The following NID1 variants were observed in gnomAD, a reference collection of about 807,000 sequenced individuals.
The protein encoded by NID1 is nidogen-1.
NID1 carries 76 observed loss-of-function variants against 130.6 expected under a neutral mutation model. The ratio of observed to expected loss-of-function variants is 0.58; its 90% CI spans 0.48 to 0.70. The LOEUF (loss-of-function observed/expected upper bound fraction) is 0.70. Ranked by LOEUF, NID1 falls within the 30% of genes least tolerant of loss-of-function variation. The probability of loss-of-function intolerance (pLI) is 0.00; values close to 1 mark genes in which losing one functional copy is unlikely to be tolerated. For missense variants in NID1, 1,517 were observed against 1,664.8 expected (o/e 0.91, Z 1.54); for synonymous variants, 665 against 675.1 (o/e 0.98, Z 0.23).
chr1:236,027,670 A>T (rs1488485521), intron 7 of NID1, among the ~76,000 whole-genome samples: 1 of 152,168 alleles, frequency 6.6e-6, no homozygotes, highest in African/African-American at 2.4e-5. Flanking sequence ...CTCTACTAAA[A>T]ATACAAAAGT....
chr1:235,991,821 G>C (rs1182728320), intron 13 of NID1, among the ~76,000 whole-genome samples: 2 of 152,168 alleles, frequency 1.3e-5, no homozygotes, highest in Non-Finnish European at 2.9e-5. Flanking sequence ...TTCCATGCTG[G>C]AGGAGCCTGT....
intron 11 of NID1, among the ~76,000 whole-genome samples, chr1:236,012,457 C>T (rs1658457152): frequency 6.7e-6 from 1 of 148,710 alleles, no homozygotes. Context: ...ATTCTGGAGG[C>T]TGAGGCAGGA....
rs774872966 is a variant in NID1, at chr1:236,065,052, C to T, written c.28G>A (p.Ala10Thr). The T allele has an allele frequency of 1.4e-5, 21 of 1,553,010 alleles. No homozygotes were observed. Among genetic ancestry groups the T allele is most frequent in the Non-Finnish European group, 1.7e-5 (20 of 1,148,364 alleles). MLASSSRIR[A>T]AWTRALLLPL... ...AGCAGCAGCGCCCGCGTCCACGCAG[C>T]CCGGATCCGGCTGCTCGAGGCCAAC... Residue 10 changes from alanine to threonine, a missense_variant, in exon 1 of 20, where the codon GCT becomes ACT. Physicochemically the swap from Ala to Thr is moderately conservative, Grantham distance 58. This residue lies in a region of NID1 where 1,329 missense variants were observed against 1,429.2 expected (regional missense o/e 0.93). Transcript: ENST00000264187. The surrounding 1 kb of genome is among the most constrained non-coding windows in gnomAD (Gnocchi z 4.1).
At chr1:236,017,355 A>G in intron 9 of NID1, 82 bp from the exon 10 acceptor site, 1 of 1,444,382 alleles carries the variant, frequency 6.9e-7, no homozygotes, top group Non-Finnish European at 9.4e-7. Context: ...TAGCATTGTC[A>G]CCTAAGAATA....
At chr1:236,049,596 A>G (rs1659703859) in intron 1 of NID1, among the ~76,000 whole-genome samples, 1 of 152,242 alleles carries the variant, frequency 6.6e-6, no homozygotes, top group Non-Finnish European at 1.5e-5. Context: ...GACACAATAT[A>G]GCATCAAGAA....
chr1:236,045,419 T>C (rs1261475749), intron 3 of NID1, 38 bp downstream of exon 3: 19 of 1,413,670 alleles, frequency 1.3e-5, no homozygotes, highest in Non-Finnish European at 1.7e-5. Context: ...TTAAAAAATA[T>C]TAAGAGGAGA....
At chr1:236,041,341 C>T (rs1435592115) in intron 4 of NID1, among the ~76,000 whole-genome samples, 1 of 152,140 alleles carries the variant, frequency 6.6e-6, no homozygotes, top group Non-Finnish European at 1.5e-5. Context: ...GCTGGGATTA[C>T]AGGTGTGAGC....
At chr1:236,019,094 A>C (rs1658683238) in intron 9 of NID1, among the ~76,000 whole-genome samples, 1 of 152,258 alleles carries the variant, frequency 6.6e-6, no homozygotes, top group Non-Finnish European at 1.5e-5. Context: ...TGTTTAAGAC[A>C]CAAGGTCTCA....
rs746392633 is a variant in NID1 at position 236,029,668 on chromosome 1, G to A, written c.1620C>T (p.Ile540=). The A allele has an allele frequency of 8.1e-6, 13 of 1,613,824 alleles. No homozygotes were observed. The highest frequency in any genetic ancestry group is 6.6e-5 in the South Asian group (6 of 91,038). The change falls in exon 7 of 20, where the codon ATC becomes ATT. Residue 540 remains isoleucine, a synonymous_variant. Coordinates refer to ENST00000264187, the MANE Select transcript of NID1 (RefSeq NM_002508.3). ...NLVIKQRFSG[I]DEHGHLTIDT... Reference sequence around the variant, plus strand: ...CGATGGTCAGGTGCCCATGCTCATCGATGCCGCTGAACCGCTGCTTAATGA... The same window carrying A: ...CGATGGTCAGGTGCCCATGCTCATCAATGCCGCTGAACCGCTGCTTAATGA...
chr1:235,984,960 T>A (rs34875058), intron 15 of NID1, among the ~76,000 whole-genome samples: 1 of 151,764 alleles, frequency 6.6e-6, no homozygotes, highest in African/African-American at 2.4e-5. Flanking sequence ...GAGGCCGAGG[T>A]GGGCGGATCA....
At chr1:236,056,235 T>C (rs890981034) in intron 1 of NID1, among the ~76,000 whole-genome samples, 6 of 152,166 alleles carry the variant, frequency 3.9e-5, no homozygotes, top group African/African-American at 1.2e-4. Flanking sequence ...ATCTTGACAA[T>C]TACATTTTGG....
At chr1:235,987,814 G>A (rs1657617823) in intron 14 of NID1, among the ~76,000 whole-genome samples, 1 of 152,120 alleles carries the variant, frequency 6.6e-6, no homozygotes, top group African/African-American at 2.4e-5. Context: ...AAATCAGGAG[G>A]ATGAGCACAT....
At chr1:236,023,379 G>T (rs573684872) in intron 9 of NID1, among the ~76,000 whole-genome samples, 1 of 152,314 alleles carries the variant, frequency 6.6e-6, no homozygotes, top group African/African-American at 2.4e-5. Context: ...GAACAAATAT[G>T]ATTCCACATA....
At chr1:236,063,051 G>A (rs2102855614) in intron 1 of NID1, among the ~76,000 whole-genome samples, 2 of 151,426 alleles carry the variant, frequency 1.3e-5, no homozygotes, top group East Asian at 3.9e-4. Context: ...CTACTCAGGA[G>A]GCTGAGGCAG....
rs1277055068 is a variant in NID1, at chr1:236,045,472, A to G, written c.737T>C (p.Val246Ala). 3.1e-6 allele frequency: 5 copies of G among 1,614,056 alleles called. No homozygotes were observed. Among genetic ancestry groups the G allele is most frequent in the Non-Finnish European group, 4.2e-6 (5 of 1,179,942 alleles). The stretch of plus-strand genomic sequence containing the variant: ...GAAAGCATACTTGGCCAAATTTTCA[A>G]CTGATTCCCTGTCATTAGCAAATAT... ...YNIFANDRES[V>A]ENLAKSSNSG... is the part of the protein sequence containing the mutation. The change falls in exon 3 of 20, where the codon GTT (valine) becomes GCT (alanine). Residue 246 changes from valine (V) to alanine (A), a missense_variant. By Grantham distance (64) the Val-to-Ala change is moderately conservative (BLOSUM62 0). This residue lies in a region of NID1 where 1,329 missense variants were observed against 1,429.2 expected (regional missense o/e 0.93). Coordinates refer to ENST00000264187, the MANE Select transcript of NID1 (RefSeq NM_002508.3).
rs2103358405 is a variant in NID1 at position 235,976,890 on chromosome 1, G to A, written c.*977C>T. The stretch of plus-strand genomic sequence containing the variant: ...ATGTGGAGGCCGGAGGTGAGGGACT[G>A]TGGTGGGACATCATCTGGTGCCAGC... On this transcript the variant is annotated 3_prime_UTR_variant, in exon 20 of 20. Coordinates refer to ENST00000264187, the MANE Select transcript of NID1 (RefSeq NM_002508.3). 6.6e-6 allele frequency: 1 copy of A among 152,348 alleles called. No homozygotes were observed. Among genetic ancestry groups the A allele is most frequent in the South Asian group, 2.1e-4 (1 of 4,830 alleles). The allele number at this position is 152,348 out of a possible 1,614,324, so 9.4% of individuals were successfully genotyped here.
chr1:236,061,743 A>T lies in NID1; in HGVS notation c.225+3112T>A, dbSNP rs1660043508. On this transcript the variant is annotated intron_variant, in intron 1 of 19. Coordinates refer to ENST00000264187, the MANE Select transcript of NID1 (RefSeq NM_002508.3). ...CCTTCTCAACAATTAAAAAAAAAAC[A>T]CGATTTTTTTTTAATGACCAAAGGA... 2.0e-5 allele frequency among the ~76,000 whole-genome samples: 3 copies of T among 151,824 alleles called. No individual in the cohort carries two copies. The South Asian group carries it at 6.3e-4, about 32-fold the overall frequency.
chr1:236,012,093 C>T (rs777722010), intron 11 of NID1, 50 bp from the exon 12 acceptor site: 10 of 1,589,842 alleles, frequency 6.3e-6, no homozygotes, highest in African/African-American at 1.3e-5. Flanking sequence ...TTCTGGAATT[C>T]GTAGTTTACC....
Position 236,050,545 on chromosome 1 carries a change from T to A in NID1, c.226-1556A>T, listed in dbSNP as rs143674616. ...CCAGCCTGGGCAACAAGAGAGAAATTCCATTTCAAAAAAAAAAAAAAGATA... is the reference window on the plus strand; with the variant it reads ...CCAGCCTGGGCAACAAGAGAGAAATACCATTTCAAAAAAAAAAAAAAGATA... On this transcript the variant is annotated intron_variant, in intron 1 of 19. Transcript: ENST00000264187. Among the ~76,000 whole-genome samples the A allele has an allele frequency of 2.0e-3, 280 of 137,620 alleles. 2 individuals are homozygous for A. Among genetic ancestry groups the A allele is most frequent in the African/African-American group, 7.8e-3 (270 of 34,800 alleles). The allele number at this position is 137,620 out of a possible 152,430, so 90.3% of individuals were successfully genotyped here.
Sources: gnomAD v4.1 joint callset for allele counts (sites outside exome capture counted in the v4.1 genomes callset) on GRCh38, gnomAD v4.1.1 for gene constraint, gnomAD v4.1.1 regional missense constraint, Gnocchi (gnomAD v3.1) non-coding constraint, MANE v1.5 for transcripts, NCBI Gene and HGNC (gene_info 2026-07-23, HGNC 2026-07-21) for gene names.